The following KDM4C variants were observed in gnomAD, a reference collection of about 807,000 sequenced individuals.
The protein encoded by KDM4C is lysine-specific demethylase 4C.
Under a neutral mutation model 129.3 loss-of-function variants are expected in KDM4C, and 81 were observed. The observed-to-expected ratio is 0.63, with a 90% CI of 0.52 to 0.75. The LOEUF is 0.75. Among genes scored for constraint, KDM4C ranks in the 30% least tolerant of loss-of-function variants. The pLI, the probability that KDM4C is intolerant of heterozygous loss-of-function variation, is 0.00. For synonymous variants in KDM4C, 573 were observed against 456.1 expected (o/e 1.26, Z -3.26); for missense variants, 1,457 against 1,304.0 (o/e 1.12, Z -1.81).
At chr9:7,130,589 A>T (rs780707627) in intron 19 of KDM4C, among the ~76,000 whole-genome samples, 33 of 152,350 alleles carry the variant, frequency 2.2e-4, no homozygotes, top group Non-Finnish European at 3.7e-4. Flanking sequence ...CAGCTTGGTT[A>T]GCTGTCACTT....
chr9:6,840,295 A>C (rs1046588553), intron 4 of KDM4C, among the ~76,000 whole-genome samples: 13 of 150,468 alleles, frequency 8.6e-5, no homozygotes, highest in African/African-American at 3.2e-4. Flanking sequence ...CTAGTCTTGA[A>C]CTCCTGGGCT....
rs1842399706 is a variant in KDM4C at position 7,148,241 on chromosome 9, G to A, written c.2782-16997G>A. On this transcript the variant is annotated intron_variant, in intron 19 of 21. Coordinates refer to ENST00000381309, the MANE Select transcript of KDM4C (RefSeq NM_015061.6). ...AGCCCCAGAGAGGATGTTACAGTGT[G>A]TTACAGCCCTGGCTTGGGGAACCTG... Among the ~76,000 whole-genome samples the A allele has an allele frequency of 2.0e-5, 3 of 152,252 alleles. No individual in the cohort carries two copies. The South Asian group carries it at 6.2e-4, about 31-fold the overall frequency.
chr9:6,856,234 G>A (rs1289477131), intron 5 of KDM4C, among the ~76,000 whole-genome samples: 1 of 151,504 alleles, frequency 6.6e-6, no homozygotes, highest in East Asian at 1.9e-4. Flanking sequence ...GTGATCCATT[G>A]AATTAGCAGC....
chr9:7,003,055 T>C (rs903134200), intron 12 of KDM4C, among the ~76,000 whole-genome samples: 2 of 152,128 alleles, frequency 1.3e-5, no homozygotes, highest in Admixed American at 1.3e-4. Flanking sequence ...TGGTAGAGAC[T>C]GGATTTCACC....
At chr9:6,994,610 T>C (rs1380735997) in intron 12 of KDM4C, among the ~76,000 whole-genome samples, 2 of 152,156 alleles carry the variant, frequency 1.3e-5, no homozygotes, top group African/African-American at 4.8e-5. Context: ...AAATCACTTA[T>C]GGATTCAAGA....
rs184415408 is a variant in KDM4C, at chr9:7,123,359, A to G, written c.2611-4707A>G. 1.3e-4 allele frequency among the ~76,000 whole-genome samples: 20 copies of G among 152,262 alleles called. No homozygotes were observed. The East Asian group carries it at 3.9e-3, about 29-fold the overall frequency. On this transcript the variant is annotated intron_variant, in intron 18 of 21. Transcript: ENST00000381309. Reference sequence around the variant, plus strand: ...CTTTATTCCCTTCCGCTACCCACATACATGCACACCTAGCCAAAGAAAGAG... The same window carrying G: ...CTTTATTCCCTTCCGCTACCCACATGCATGCACACCTAGCCAAAGAAAGAG...
At chr9:6,782,622 G>C (rs1231006845) in intron 1 of KDM4C, among the ~76,000 whole-genome samples, 1 of 152,140 alleles carries the variant, frequency 6.6e-6, no homozygotes, top group Non-Finnish European at 1.5e-5. Context: ...ACTCCTTTGG[G>C]AACATCGAGT....
intron 5 of KDM4C, among the ~76,000 whole-genome samples, chr9:6,861,293 T>C (rs1840875864): frequency 6.6e-6 from 1 of 152,240 alleles, no homozygotes; most frequent in Admixed American, 6.5e-5. Context: ...CAGTGGTACA[T>C]GTATCCTATT....
At chr9:6,778,903 G>T (rs1176474797) in intron 1 of KDM4C, among the ~76,000 whole-genome samples, 1 of 150,188 alleles carries the variant, frequency 6.7e-6, no homozygotes, top group African/African-American at 2.5e-5. Context: ...TGTATTTTTA[G>T]TAGAGACAGG....
intron 5 of KDM4C, among the ~76,000 whole-genome samples, chr9:6,868,667 C>T (rs573972118): frequency 1.3e-5 from 2 of 152,050 alleles, no homozygotes; most frequent in East Asian, 3.9e-4. Flanking sequence ...ACAGTTTGTA[C>T]ATGTTCAGTA....
At chr9:6,886,795 A>G (rs922717295) in intron 6 of KDM4C, among the ~76,000 whole-genome samples, 4 of 151,738 alleles carry the variant, frequency 2.6e-5, no homozygotes, top group African/African-American at 9.7e-5. Context: ...CTTGGCCTGT[A>G]TTTTTTAGTA....
intron 17 of KDM4C, among the ~76,000 whole-genome samples, chr9:7,079,091 A>C (rs912705169): frequency 4.6e-5 from 7 of 152,232 alleles, no homozygotes; most frequent in African/African-American, 1.7e-4. Context: ...AGCCATTCTT[A>C]TCAATGAATG....
chr9:7,096,350 G>A (rs1455028187), intron 17 of KDM4C, among the ~76,000 whole-genome samples: 1 of 152,186 alleles, frequency 6.6e-6, no homozygotes, highest in African/African-American at 2.4e-5. Flanking sequence ...AGCACAGGTA[G>A]TTAAGTGCAG....
chr9:7,048,657 A>G (rs1274031062), intron 16 of KDM4C, among the ~76,000 whole-genome samples: 1 of 152,076 alleles, frequency 6.6e-6, no homozygotes, highest in Non-Finnish European at 1.5e-5. Context: ...TTGCTTCATG[A>G]CATTTGTATT....
At chr9:7,158,877 T>A (rs962630840) in intron 19 of KDM4C, among the ~76,000 whole-genome samples, 9 of 152,162 alleles carry the variant, frequency 5.9e-5, no homozygotes, top group African/African-American at 2.2e-4. Context: ...CAGAGCTGAG[T>A]TCAAGTCCTG....
At chr9:6,810,190 G>A (rs939366622) in intron 3 of KDM4C, among the ~76,000 whole-genome samples, 1 of 152,064 alleles carries the variant, frequency 6.6e-6, no homozygotes, top group Non-Finnish European at 1.5e-5. Flanking sequence ...TCTACTTCAA[G>A]ATAATTTTAC....
At chr9:6,746,415 C>T (rs1157490932) in intron 1 of KDM4C, among the ~76,000 whole-genome samples, 2 of 150,762 alleles carry the variant, frequency 1.3e-5, no homozygotes, top group Non-Finnish European at 1.5e-5. Flanking sequence ...ACTACAGGCG[C>T]TCGCCACAAC....
intron 8 of KDM4C, among the ~76,000 whole-genome samples, chr9:6,909,880 C>T (rs1272973361): frequency 3.3e-5 from 5 of 152,148 alleles, no homozygotes; most frequent in South Asian, 2.1e-4. Flanking sequence ...ACTTTTGAAG[C>T]GGCACATCAT....
chr9:6,939,794 A>G (rs2131378648), intron 8 of KDM4C, among the ~76,000 whole-genome samples: 1 of 152,350 alleles, frequency 6.6e-6, no homozygotes, highest in African/African-American at 2.4e-5. Context: ...GGTGGTCAGC[A>G]AGTGATTCCG....
Sources: allele counts gnomAD v4.1 joint callset (sites outside exome capture counted in the v4.1 genomes callset), GRCh38; gene constraint gnomAD v4.1.1; transcripts MANE v1.5; gene names NCBI Gene and HGNC (gene_info 2026-07-23, HGNC 2026-07-21).